The following PHF20 variants were observed in gnomAD, a reference collection of about 807,000 sequenced individuals.
The protein encoded by PHF20 is PHD finger protein 20.
Under a neutral mutation model 113.5 loss-of-function variants are expected in PHF20, and 23 were observed. The observed-to-expected ratio is 0.20, with a 90% confidence interval of 0.15 to 0.29. The LOEUF (loss-of-function observed/expected upper bound fraction) is 0.29, where lower values mean the gene tolerates loss of function less well. Ranked by LOEUF, PHF20 falls within the 10% of genes least tolerant of loss-of-function variation. PHF20 has a pLI of 1.00. For missense variants in PHF20, 943 were observed against 1,219.6 expected (o/e 0.77, Z 3.38); for synonymous variants, 434 against 457.3 (o/e 0.95, Z 0.65).
chr20:35,873,476 T>G lies in PHF20; in HGVS notation c.1282+1647T>G, dbSNP rs568789931. Reference sequence around the variant, plus strand: ...TTTGTCTGTTTTTTTGTTTTTTTTTTTTTTTTTTTTAAGACAGAGTCTTGC... The same window carrying G: ...TTTGTCTGTTTTTTTGTTTTTTTTTGTTTTTTTTTTAAGACAGAGTCTTGC... On this transcript the variant is annotated intron_variant, in intron 9 of 17. Coordinates refer to ENST00000374012, the MANE Select transcript of PHF20 (RefSeq NM_016436.5). Among the ~76,000 whole-genome samples, 807 of 148,898 alleles carry G rather than the reference T, an allele frequency of 5.4e-3. 11 individuals are homozygous for G. Among genetic ancestry groups the G allele is most frequent in the African/African-American group, 0.019 (771 of 40,614 alleles).
intron 15 of PHF20, among the ~76,000 whole-genome samples, chr20:35,934,441 T>C (rs1600962745): frequency 1.3e-5 from 2 of 152,362 alleles, no homozygotes; most frequent in East Asian, 3.9e-4. Context: ...CAGGATTCCA[T>C]CCGTTGGGTT....
intron 1 of PHF20, among the ~76,000 whole-genome samples, chr20:35,789,862 CCT>C (rs1491370212): frequency 1.4e-4 from 10 of 72,534 alleles, no homozygotes; most frequent in African/African-American, 1.6e-4. Context: ...CCCCCCCCCC[CCT>C]TTTTTTTTAT....
chr20:35,823,650 A>G (rs952814276), intron 2 of PHF20, among the ~76,000 whole-genome samples: 1 of 151,076 alleles, frequency 6.6e-6, no homozygotes, highest in Non-Finnish European at 1.5e-5. Context: ...AAAAAAAAAA[A>G]AAAAGGGGTG....
intron 15 of PHF20, among the ~76,000 whole-genome samples, chr20:35,932,070 G>GTT (rs200679606): frequency 5.7e-5 from 8 of 139,334 alleles, no homozygotes; most frequent in Middle Eastern, 3.3e-3. Context: ...AGTTCTGAGT[G>GTT]TTTTTTTTTT....
At chr20:35,847,495 G>A in intron 4 of PHF20, 61 bp downstream of exon 4, 6 of 1,012,286 alleles carry the variant, frequency 5.9e-6, no homozygotes, top group East Asian at 2.4e-5. Flanking sequence ...GGGGATGTTT[G>A]TAATATCAGA....
chr20:35,920,356 G>A (rs2055489235), intron 13 of PHF20, among the ~76,000 whole-genome samples: 3 of 152,266 alleles, frequency 2.0e-5, no homozygotes, highest in African/African-American at 4.8e-5. Flanking sequence ...CCACAGTCGT[G>A]CTCTTTTTGT....
chr20:35,857,142 CATTACGTG>C (rs2042844835), intron 4 of PHF20, among the ~76,000 whole-genome samples: 1 of 152,016 alleles, frequency 6.6e-6, no homozygotes, highest in African/African-American at 2.4e-5. Flanking sequence ...TAGTGGAAAC[CATTACGTG>C]ATTACCAATG....
At chr20:35,842,449 G>T in intron 2 of PHF20, 124 bp from the exon 3 acceptor site, 1 of 794,388 alleles carries the variant, frequency 1.3e-6, no homozygotes, top group Non-Finnish European at 2.0e-6. Flanking sequence ...ACTACACAGA[G>T]TCTCTAAACG....
intron 4 of PHF20, among the ~76,000 whole-genome samples, chr20:35,852,969 T>C (rs1031086674): frequency 6.8e-6 from 1 of 146,948 alleles, no homozygotes; most frequent in Non-Finnish European, 1.5e-5. Context: ...ACGCCTGTAA[T>C]CCCAGCACTT....
chr20:35,788,120 G>A (rs781526926), intron 1 of PHF20, among the ~76,000 whole-genome samples: 20 of 150,346 alleles, frequency 1.3e-4, no homozygotes, highest in East Asian at 2.0e-4. Context: ...TTTTTGAGAC[G>A]GAGTCTTGCT....
chr20:35,916,244 C>A (rs564877008), intron 12 of PHF20, among the ~76,000 whole-genome samples: 3 of 152,362 alleles, frequency 2.0e-5, no homozygotes, highest in African/African-American at 7.2e-5. Flanking sequence ...AGTAGACTTT[C>A]AGGGTTGCTG....
At chr20:35,812,974 T>A (rs2042003255) in intron 2 of PHF20, among the ~76,000 whole-genome samples, 2 of 152,196 alleles carry the variant, frequency 1.3e-5, no homozygotes. Context: ...TCATTTTTAT[T>A]ATTATTATTT....
intron 7 of PHF20, 37 bp downstream of exon 7, chr20:35,869,588 G>A: frequency 8.8e-7 from 1 of 1,138,266 alleles, no homozygotes; most frequent in Non-Finnish European, 1.3e-6. Context: ...GCTAGAATTT[G>A]ACGTTGTTTG....
At chr20:35,941,110 C>T in intron 17 of PHF20, 63 bp downstream of exon 17, 1 of 1,365,416 alleles carries the variant, frequency 7.3e-7, no homozygotes, top group Non-Finnish European at 1.0e-6. Context: ...AGACGAGCTG[C>T]TTTCTGAACC....
chr20:35,922,368 TCAC>T (rs2055535073), intron 13 of PHF20, among the ~76,000 whole-genome samples: 2 of 152,234 alleles, frequency 1.3e-5, no homozygotes, highest in South Asian at 4.1e-4. Flanking sequence ...TAAAATGTAT[TCAC>T]CATCTAATTA....
chr20:35,835,160 A>G (rs1435416247), intron 2 of PHF20, among the ~76,000 whole-genome samples: 1 of 152,112 alleles, frequency 6.6e-6, no homozygotes, highest in Non-Finnish European at 1.5e-5. Context: ...CTGTAGTCCT[A>G]GCTACTCAGG....
rs965309532 is a variant in PHF20, at chr20:35,947,873, C to T, written c.*246C>T. 5.1e-5 allele frequency: 20 copies of T among 393,938 alleles called. 1 individual carries two copies. The highest frequency in any genetic ancestry group is 3.6e-4 in the African/African-American group (18 of 50,140). The allele number at this position is 393,938 out of a possible 1,614,324, so 24.4% of individuals were successfully genotyped here. A position where few individuals can be genotyped will look rare whatever the true frequency, so the allele number is the denominator to read the frequency against. On this transcript the variant is annotated 3_prime_UTR_variant, in exon 18 of 18. Transcript: ENST00000374012. ...TGGGATTCCCCTCTTCTGTGCACAT[C>T]GTTGAATGAAGAGAGTCTTTTTGCA...
At position 35,949,124 on chromosome 20, in the gene PHF20, C is replaced by T. The variant is rs2056134473; in HGVS notation, c.*1497C>T. 6.6e-6 allele frequency: 1 copy of T among 152,630 alleles called. No homozygotes were observed. Among genetic ancestry groups the T allele is most frequent in the Non-Finnish European group, 1.5e-5 (1 of 68,044 alleles). The allele number at this position is 152,630 out of a possible 1,614,324, so 9.5% of individuals were successfully genotyped here. ...TAATGAATTATAGGACAAGTATAAG[C>T]TGATCTGCTATAGCTGTCCATCAGA... On this transcript the variant is annotated 3_prime_UTR_variant, in exon 18 of 18. Transcript: ENST00000374012.
intron 5 of PHF20, among the ~76,000 whole-genome samples, chr20:35,862,035 C>T (rs1484594396): frequency 6.6e-6 from 1 of 152,154 alleles, no homozygotes; most frequent in African/African-American, 2.4e-5. Flanking sequence ...AGCTTTCAGA[C>T]CTGGCCTTAT....
Sources: gnomAD v4.1 joint callset for allele counts (sites outside exome capture counted in the v4.1 genomes callset) on GRCh38, gnomAD v4.1.1 for gene constraint, MANE v1.5 for transcripts, NCBI Gene and HGNC (gene_info 2026-07-23, HGNC 2026-07-21) for gene names.